Variants in ANKS1B observed in about 807,000 individuals in gnomAD.
The protein encoded by ANKS1B is ankyrin repeat and sterile alpha motif domain containing 1B.
ANKS1B carries 36 observed loss-of-function variants against 148.3 expected under a neutral mutation model. That is an observed-to-expected ratio of 0.24 (90% CI 0.19 to 0.32). The LOEUF (loss-of-function observed/expected upper bound fraction) is 0.32. Ranked by LOEUF, ANKS1B falls within the 10% of genes least tolerant of loss-of-function variation. ANKS1B has a pLI of 1.00. For synonymous variants in ANKS1B, 542 were observed against 560.8 expected, an observed-to-expected ratio of 0.97 and a Z score of 0.47; for missense variants, 1,157 against 1,542.6, an observed-to-expected ratio of 0.75 and a Z score of 4.19.
chr12:99,102,332 T>C (rs965962205), intron 15 of ANKS1B, among the ~76,000 whole-genome samples: 1 of 152,144 alleles, frequency 6.6e-6, no homozygotes, highest in South Asian at 2.1e-4. Context: ...GACGATTGTT[T>C]TGAGAAATCT....
At chr12:99,297,850 C>T (rs1203493573) in intron 12 of ANKS1B, among the ~76,000 whole-genome samples, 1 of 152,090 alleles carries the variant, frequency 6.6e-6, no homozygotes, top group African/African-American at 2.4e-5. Context: ...TATAACTCTT[C>T]ATGATCAATC....
At position 99,782,053 on chromosome 12, in the gene ANKS1B, C is replaced by T; in HGVS notation, c.714G>A (p.Lys238=). 6.2e-7 allele frequency: 1 copy of T among 1,606,502 alleles called. No individual in the cohort carries two copies. The highest frequency in any genetic ancestry group is 8.5e-7 in the Non-Finnish European group (1 of 1,176,630). ...CTAACAGAACTCGTACAACATCCAC[C>T]TTTCCAAACAAAGCTGCTTCATGAA... ...SALHEAALFG[K]VDVVRVLLET... is the part of the protein sequence containing the mutation. The change falls in exon 5 of 27, where the codon AAG becomes AAA. Residue 238 remains lysine, a synonymous_variant. Transcript: ENST00000683438.
At position 99,556,975 on chromosome 12, in the gene ANKS1B, C is replaced by G. The variant is rs1249850219; in HGVS notation, c.1273-52334G>C. On this transcript the variant is annotated intron_variant, in intron 9 of 26. Coordinates refer to ENST00000683438, the MANE Select transcript of ANKS1B (RefSeq NM_001352186.2). ...CTATTAAGTCCATTTAGTCAAGTGT[C>G]AAGTTTAGGTCCCAAATATCTTTGT... Among the ~76,000 whole-genome samples, 3 of 152,160 alleles carry G rather than the reference C, an allele frequency of 2.0e-5. No individual in the cohort carries two copies. In the East Asian group the frequency reaches 5.8e-4, roughly 29 times the overall value.
chr12:99,883,620 G>A (rs545440506), intron 1 of ANKS1B, among the ~76,000 whole-genome samples: 2 of 150,224 alleles, frequency 1.3e-5, no homozygotes, highest in African/African-American at 4.9e-5. Context: ...TTGGGGCAGG[G>A]GGGAATCTGC....
chr12:99,010,272 T>C (rs1342540157), intron 17 of ANKS1B, among the ~76,000 whole-genome samples: 1 of 152,224 alleles, frequency 6.6e-6, no homozygotes, highest in East Asian at 1.9e-4. Flanking sequence ...TTTTTCTTCA[T>C]TTATAAAACA....
At chr12:99,595,510 C>A (rs1268035984) in intron 9 of ANKS1B, among the ~76,000 whole-genome samples, 1 of 151,692 alleles carries the variant, frequency 6.6e-6, no homozygotes, top group African/African-American at 2.4e-5. Flanking sequence ...ACACATTTTT[C>A]AGAAAAGAGG....
At chr12:99,105,424 GAA>G (rs1393687973) in intron 15 of ANKS1B, among the ~76,000 whole-genome samples, 2 of 152,144 alleles carry the variant, frequency 1.3e-5, no homozygotes, top group Admixed American at 6.5e-5. Context: ...TTCTATGTCA[GAA>G]AGTCTTAGGA....
intron 15 of ANKS1B, among the ~76,000 whole-genome samples, chr12:99,123,451 G>A: frequency 6.6e-6 from 1 of 152,130 alleles, no homozygotes; most frequent in East Asian, 1.9e-4. Flanking sequence ...TAAAGGGACA[G>A]AACTAAGTGG....
chr12:98,817,068 G>C lies in ANKS1B; in HGVS notation c.3067-9150C>G, dbSNP rs146452141. ...TGTCATAATACTTTCAACACTTCAG[G>C]GTATTCAGAAATTGACCAGAAAGAA... On this transcript the variant is annotated intron_variant, in intron 19 of 26. Coordinates refer to ENST00000683438, the MANE Select transcript of ANKS1B (RefSeq NM_001352186.2). 6.4e-4 allele frequency among the ~76,000 whole-genome samples: 97 copies of C among 152,060 alleles called. 1 individual carries two copies. Among genetic ancestry groups the C allele is most frequent in the African/African-American group, 2.1e-3 (89 of 41,466 alleles).
intron 1 of ANKS1B, among the ~76,000 whole-genome samples, chr12:99,861,303 A>C (rs956342395): frequency 6.6e-6 from 1 of 152,222 alleles, no homozygotes; most frequent in Non-Finnish European, 1.5e-5. Flanking sequence ...TTTTCATATA[A>C]TCACATGAAA....
intron 17 of ANKS1B, among the ~76,000 whole-genome samples, chr12:99,021,282 A>G (rs1406172008): frequency 1.3e-5 from 2 of 152,138 alleles, no homozygotes; most frequent in Non-Finnish European, 2.9e-5. Context: ...ATATAGTATC[A>G]ATATAATTTT....
chr12:99,409,763 G>A (rs1256815490), intron 11 of ANKS1B, among the ~76,000 whole-genome samples: 2 of 151,512 alleles, frequency 1.3e-5, no homozygotes. Flanking sequence ...AAAAGAATAG[G>A]TCTAGAATAT....
chr12:98,932,546 C>G (rs2099814596), intron 17 of ANKS1B, among the ~76,000 whole-genome samples: 1 of 152,160 alleles, frequency 6.6e-6, no homozygotes, highest in Non-Finnish European at 1.5e-5. Context: ...CCTCCCTGTT[C>G]TGTACCTACT....
rs191873933 is a variant in ANKS1B at position 99,416,961 on chromosome 12, C to T, written c.1576-17150G>A. 2.5e-4 allele frequency among the ~76,000 whole-genome samples: 38 copies of T among 152,210 alleles called. 1 individual carries two copies. Among genetic ancestry groups the T allele is most frequent in the Admixed American group, 1.7e-3 (26 of 15,288 alleles). ...AGGGAGAAGGGCAGGCTCTTGAGAG[C>T]GAGGTTACTGGCATGCAGTCAGGCC... On this transcript the variant is annotated intron_variant, in intron 11 of 26. Transcript: ENST00000683438.
intron 9 of ANKS1B, among the ~76,000 whole-genome samples, chr12:98,736,116 G>A (rs781186161): frequency 6.6e-6 from 1 of 152,202 alleles, no homozygotes; most frequent in Non-Finnish European, 1.5e-5. Flanking sequence ...TTAGGCCACA[G>A]TAAGGACTTC....
At chr12:99,080,125 C>G (rs1209429588) in intron 16 of ANKS1B, among the ~76,000 whole-genome samples, 2 of 152,224 alleles carry the variant, frequency 1.3e-5, no homozygotes, top group African/African-American at 4.8e-5. Flanking sequence ...GAACTGGATT[C>G]CTGCCTCCTT....
chr12:98,861,467 T>C (rs763218999), intron 17 of ANKS1B, among the ~76,000 whole-genome samples: 9 of 152,194 alleles, frequency 5.9e-5, no homozygotes, highest in Non-Finnish European at 1.3e-4. Flanking sequence ...GATTTGACAG[T>C]GCCTTCTTGG....
At chr12:99,419,641 T>C (rs970428493) in intron 11 of ANKS1B, among the ~76,000 whole-genome samples, 9 of 152,084 alleles carry the variant, frequency 5.9e-5, no homozygotes, top group Non-Finnish European at 1.2e-4. Context: ...TTGCTTTTGG[T>C]TTTTAACTTC....
In ANKS1B at chr12:99,118,957, A is replaced by G. The variant is rs2062055562; in HGVS notation, c.2527-33934T>C. 2.6e-5 allele frequency among the ~76,000 whole-genome samples: 4 copies of G among 152,116 alleles called. 1 individual carries two copies. The South Asian group carries it at 8.3e-4, about 32-fold the overall frequency. Reference sequence around the variant, plus strand: ...AGCAGCAAAACAGTAACAGCAACCAACATGCACTGAGTTTACTTCACACCA... The same window carrying G: ...AGCAGCAAAACAGTAACAGCAACCAGCATGCACTGAGTTTACTTCACACCA... On this transcript the variant is annotated intron_variant, in intron 15 of 26. Coordinates refer to ENST00000683438, the MANE Select transcript of ANKS1B (RefSeq NM_001352186.2).
Sources: gnomAD v4.1 joint callset for allele counts (sites outside exome capture counted in the v4.1 genomes callset) on GRCh38, gnomAD v4.1.1 for gene constraint, MANE v1.5 for transcripts, NCBI Gene and HGNC (gene_info 2026-07-23, HGNC 2026-07-21) for gene names.